SNTB2: variants seen among roughly 807,000 people sequenced by gnomAD.
SNTB2 encodes the protein syntrophin beta 2.
In SNTB2, 34 loss-of-function variants were observed where a neutral mutation model predicts 46.2. That is an observed-to-expected ratio of 0.74 (90% CI 0.56 to 0.98). The LOEUF is 0.98. Ranked by LOEUF, SNTB2 falls within the 50% of genes least tolerant of loss-of-function variation. SNTB2 has a pLI of 0.00. For missense variants in SNTB2, 603 were observed against 731.4 expected (o/e 0.82, Z 2.02); for synonymous variants, 290 against 312.6 (o/e 0.93, Z 0.76).
At chr16:69,228,807 TC>T (rs933076298) in intron 1 of SNTB2, among the ~76,000 whole-genome samples, 1 of 152,016 alleles carries the variant, frequency 6.6e-6, no homozygotes, top group Non-Finnish European at 1.5e-5. Flanking sequence ...TGTCATTTAA[TC>T]CCCCACAACA....
At chr16:69,261,808 G>T (rs1243199735) in intron 3 of SNTB2, among the ~76,000 whole-genome samples, 1 of 152,174 alleles carries the variant, frequency 6.6e-6, no homozygotes, top group Admixed American at 6.5e-5. Context: ...GAAAACTCTT[G>T]CCCTCATTCC....
intron 1 of SNTB2, among the ~76,000 whole-genome samples, chr16:69,207,154 C>CTTTCTTTTT (rs771500331): frequency 1.0e-4 from 13 of 126,470 alleles, no homozygotes; most frequent in African/African-American, 1.5e-4. Context: ...TTCTTTCTTT[C>CTTTCTTTTT]TTTTTTTTTT....
chr16:69,240,331 G>A (rs886806904), intron 1 of SNTB2, among the ~76,000 whole-genome samples: 2 of 152,166 alleles, frequency 1.3e-5, no homozygotes, highest in Non-Finnish European at 2.9e-5. Flanking sequence ...CCAGACTCTA[G>A]ACTGCAGTCT....
intron 1 of SNTB2, among the ~76,000 whole-genome samples, chr16:69,198,348 A>G (rs921988596): frequency 3.3e-5 from 5 of 152,130 alleles, no homozygotes; most frequent in Non-Finnish European, 2.9e-5. Context: ...AGCTCAGGCA[A>G]TCCACCAGCC....
At chr16:69,222,516 C>T (rs1964415536) in intron 1 of SNTB2, among the ~76,000 whole-genome samples, 1 of 150,938 alleles carries the variant, frequency 6.6e-6, no homozygotes, top group Non-Finnish European at 1.5e-5. Flanking sequence ...TCACTTGAAC[C>T]TGGGAGGTGG....
At chr16:69,253,943 G>T (rs1964749493) in intron 2 of SNTB2, among the ~76,000 whole-genome samples, 1 of 152,124 alleles carries the variant, frequency 6.6e-6, no homozygotes, top group Admixed American at 6.6e-5. Context: ...CCTCGAGAAG[G>T]ATGAACTGAT....
At chr16:69,294,906 C>T (rs1965208082) in intron 5 of SNTB2, among the ~76,000 whole-genome samples, 1 of 151,658 alleles carries the variant, frequency 6.6e-6, no homozygotes, top group Non-Finnish European at 1.5e-5. Flanking sequence ...GCAACTTCTG[C>T]CTCCCAAGTT....
intron 1 of SNTB2, among the ~76,000 whole-genome samples, chr16:69,232,531 G>T (rs1964517691): frequency 1.6e-5 from 1 of 62,136 alleles, no homozygotes; most frequent in African/African-American, 7.0e-5. Context: ...TTTTTTTTTG[G>T]AGACGGAGTC....
At chr16:69,293,013 G>C (rs1272222419) in intron 5 of SNTB2, among the ~76,000 whole-genome samples, 2 of 152,138 alleles carry the variant, frequency 1.3e-5, no homozygotes, top group East Asian at 3.8e-4. Context: ...ATGGAAACCA[G>C]AGGAAGAGTA....
chr16:69,246,562 G>A (rs1005771774), intron 2 of SNTB2, among the ~76,000 whole-genome samples: 10 of 146,414 alleles, frequency 6.8e-5, no homozygotes, highest in Admixed American at 1.4e-4. Flanking sequence ...GTATCAGAAT[G>A]ATGCTGGCCT....
chr16:69,234,786 T>A (rs1315656090), intron 1 of SNTB2, among the ~76,000 whole-genome samples: 2 of 151,920 alleles, frequency 1.3e-5, no homozygotes, highest in African/African-American at 4.8e-5. Context: ...CACTGCATCT[T>A]CCACCTCCCA....
At chr16:69,209,172 C>T (rs1324751732) in intron 1 of SNTB2, among the ~76,000 whole-genome samples, 7 of 152,046 alleles carry the variant, frequency 4.6e-5, no homozygotes, top group African/African-American at 1.2e-4. Context: ...CGGGTTTCAC[C>T]GTGTTAGCCA....
In SNTB2 at chr16:69,260,032, TTTTC is replaced by T. The variant is rs1289332544; in HGVS notation, c.795-14_795-11del. On this transcript the variant is annotated splice_polypyrimidine_tract_variant and intron_variant, in intron 2 of 6. Transcript: ENST00000336278. ...CTTCTGTCCTAGCTCACTTTTTTTT[TTTTC>T]TTTTTCCACACAGATTGATAGAGCT... The T allele has an allele frequency of 1.9e-6, 3 of 1,608,638 alleles. No homozygotes were observed. The highest frequency in any genetic ancestry group is 1.1e-5 in the South Asian group (1 of 90,922).
chr16:69,194,452 G>T (rs1171729287), intron 1 of SNTB2, among the ~76,000 whole-genome samples: 1 of 152,112 alleles, frequency 6.6e-6, no homozygotes, highest in Non-Finnish European at 1.5e-5. Context: ...AATTTGAAAA[G>T]TAACAATAGA....
At chr16:69,274,086 G>A (rs1399625926) in intron 4 of SNTB2, among the ~76,000 whole-genome samples, 1 of 152,110 alleles carries the variant, frequency 6.6e-6, no homozygotes, top group Non-Finnish European at 1.5e-5. Context: ...GGCCGAGGCT[G>A]GCGGATCACG....
chr16:69,283,910 A>G (rs187383495), intron 4 of SNTB2, 138 bp from the exon 5 acceptor site: 6 of 724,554 alleles, frequency 8.3e-6, no homozygotes, highest in African/African-American at 5.3e-5. Flanking sequence ...TTCAGAGACT[A>G]TAATCTTGCT....
intron 1 of SNTB2, among the ~76,000 whole-genome samples, chr16:69,240,103 T>C (rs1964596607): frequency 6.6e-6 from 1 of 152,216 alleles, no homozygotes; most frequent in Admixed American, 6.5e-5. Flanking sequence ...GTACAGGCTT[T>C]TGTGTGAATG....
chr16:69,252,202 C>T (rs1184850667), intron 2 of SNTB2, among the ~76,000 whole-genome samples: 1 of 152,056 alleles, frequency 6.6e-6, no homozygotes, highest in Non-Finnish European at 1.5e-5. Flanking sequence ...GATTTAGTTC[C>T]ATAGAGCTGA....
intron 4 of SNTB2, among the ~76,000 whole-genome samples, chr16:69,280,623 T>G (rs1965032489): frequency 1.3e-5 from 2 of 151,768 alleles, no homozygotes; most frequent in Admixed American, 6.6e-5. Context: ...ACGGGGCGGC[T>G]GGCCGGGCAG....
Sources: gnomAD v4.1 joint callset for allele counts (sites outside exome capture counted in the v4.1 genomes callset) on GRCh38, gnomAD v4.1.1 for gene constraint, MANE v1.5 for transcripts, NCBI Gene and HGNC (gene_info 2026-07-23, HGNC 2026-07-21) for gene names.